Variants in NCAPD3 observed in about 807,000 individuals in gnomAD.
NCAPD3 encodes condensin-2 complex subunit D3.
NCAPD3 carries 105 observed loss-of-function variants against 182.9 expected under a neutral mutation model. The observed-to-expected ratio is 0.57, with a 90% confidence interval of 0.49 to 0.68. NCAPD3 has a LOEUF of 0.68. Among genes scored for constraint, NCAPD3 ranks in the 30% least tolerant of loss-of-function variants. The pLI is 0.00. For synonymous variants in NCAPD3, 815 were observed against 679.9 expected (o/e 1.20, Z -3.09); for missense variants, 1,944 against 1,837.0 (o/e 1.06, Z -1.07).
rs1341667319 is a variant in NCAPD3, at chr11:134,161,910, A to G, written c.3574-19T>C. On this transcript the variant is annotated intron_variant, in intron 27 of 34. Transcript: ENST00000534548. ...TCTGAACCTGGTAACACAAACAAAGACATGTTTTAGATGTATGAACTTCTG... is the reference window on the plus strand; with the variant it reads ...TCTGAACCTGGTAACACAAACAAAGGCATGTTTTAGATGTATGAACTTCTG... 1 of 1,354,944 alleles carries G rather than the reference A, an allele frequency of 7.4e-7. No homozygotes were observed. Among genetic ancestry groups the G allele is most frequent in the Non-Finnish European group, 1.0e-6 (1 of 971,538 alleles). The allele number at this position is 1,354,944 out of a possible 1,614,324, so 83.9% of individuals were successfully genotyped here. A position where few individuals can be genotyped will look rare whatever the true frequency, so the allele number is the denominator to read the frequency against.
rs748681370 is a variant in NCAPD3, at chr11:134,168,902, A to C, written c.3239+15T>G. On this transcript the variant is annotated intron_variant, in intron 25 of 34. Transcript: ENST00000534548. ...ACCCAGATACAAGGAGACCAGACTT[A>C]GCTGCTTCACTGACCTCTCTGACTG... 1 of 1,609,356 alleles carries C rather than the reference A, an allele frequency of 6.2e-7. No homozygotes were observed. The highest frequency in any genetic ancestry group is 1.7e-5 in the Admixed American group (1 of 59,740).
chr11:134,223,445 C>T, intron 1 of NCAPD3: 2 of 702,488 alleles, frequency 2.8e-6, no homozygotes, highest in East Asian at 5.4e-5. Context: ...ACTCATGTGA[C>T]GTTTGATGAT....
chr11:134,205,764 A>G (rs1190123443), intron 8 of NCAPD3, among the ~76,000 whole-genome samples: 1 of 152,238 alleles, frequency 6.6e-6, no homozygotes, highest in Non-Finnish European at 1.5e-5. Context: ...TGCGACTGGC[A>G]TATGAGAAAC....
chr11:134,179,351 T>C (rs1174452880), intron 20 of NCAPD3, among the ~76,000 whole-genome samples: 1 of 152,232 alleles, frequency 6.6e-6, no homozygotes, highest in African/African-American at 2.4e-5. Flanking sequence ...ACTTTTCTTA[T>C]ACACTTACCA....
intron 7 of NCAPD3, 101 bp from the exon 8 acceptor site, chr11:134,206,833 G>T: frequency 7.8e-7 from 1 of 1,283,190 alleles, no homozygotes; most frequent in African/African-American, 1.5e-5. Context: ...GCCATCTGAA[G>T]GTAGGTCAGG....
intron 27 of NCAPD3, among the ~76,000 whole-genome samples, chr11:134,165,033 T>C (rs1031453555): frequency 2.0e-5 from 3 of 146,478 alleles, no homozygotes; most frequent in African/African-American, 7.7e-5. Context: ...GAGATGAGCT[T>C]AGAGGAGCTG....
chr11:134,188,507 A>G lies in NCAPD3; in HGVS notation c.2046-2981T>C, dbSNP rs184507643. Among the ~76,000 whole-genome samples the G allele has an allele frequency of 4.2e-3, 637 of 152,338 alleles. 4 individuals are homozygous for G. Among genetic ancestry groups the G allele is most frequent in the African/African-American group, 0.015 (610 of 41,582 alleles). ...TTACTGCTGCTCACTCTTTGGGTCC[A>G]CACTGCCTTTATGAACTGTAACACC... On this transcript the variant is annotated intron_variant, in intron 16 of 34. Coordinates refer to ENST00000534548, the MANE Select transcript of NCAPD3 (RefSeq NM_015261.3).
Position 134,184,706 on chromosome 11 carries a change from C to T in NCAPD3, c.2382G>A (p.Val794=). ...KLNGFQWSLE[V]ISSAVDALQR... is the part of the protein sequence containing the mutation. ...GCAAGGCGTCAACAGCTGAACTGATCACCTCTAGAGACCACTGAAATCCAT... is the reference window on the plus strand; with the variant it reads ...GCAAGGCGTCAACAGCTGAACTGATTACCTCTAGAGACCACTGAAATCCAT... Residue 794 remains valine (V), a synonymous_variant, in exon 19 of 35, where the codon GTG becomes GTA. Coordinates refer to ENST00000534548, the MANE Select transcript of NCAPD3 (RefSeq NM_015261.3). The T allele has an allele frequency of 1.2e-6, 2 of 1,614,004 alleles. No homozygotes were observed. The highest frequency in any genetic ancestry group is 1.1e-5 in the South Asian group (1 of 91,060).
chr11:134,207,539 A>G (rs1937649349), intron 7 of NCAPD3, among the ~76,000 whole-genome samples: 1 of 152,120 alleles, frequency 6.6e-6, no homozygotes, highest in Non-Finnish European at 1.5e-5. Context: ...CGAGGTCAAG[A>G]GATCAAGACC....
chr11:134,223,689 G>C (rs575254943), intron 1 of NCAPD3, among the ~76,000 whole-genome samples, 174 bp downstream of exon 1: 2 of 152,310 alleles, frequency 1.3e-5, no homozygotes, highest in South Asian at 4.1e-4. Flanking sequence ...GCCCCCACGG[G>C]AAACCTGGCT....
chr11:134,161,612 G>C (rs1473353531), intron 28 of NCAPD3, among the ~76,000 whole-genome samples, 169 bp downstream of exon 28: 1 of 152,214 alleles, frequency 6.6e-6, no homozygotes, highest in Non-Finnish European at 1.5e-5. Flanking sequence ...GGCTTTGGTG[G>C]AACCCACAGC....
In NCAPD3 at chr11:134,209,290, A is replaced by C. The variant is rs74876707; in HGVS notation, c.732+23T>G. 2,339 of 1,609,618 alleles carry C rather than the reference A, an allele frequency of 1.5e-3. 32 individuals carry two copies. In the African/African-American group the frequency reaches 0.028, roughly 20 times the overall value. Reference sequence around the variant, plus strand: ...AGTCTAATCCTTTGAAGTTGCCCTAAGGTTCCTGGAATTTTCACTTACCTC... The same window carrying C: ...AGTCTAATCCTTTGAAGTTGCCCTACGGTTCCTGGAATTTTCACTTACCTC... On this transcript the variant is annotated intron_variant, in intron 5 of 34. Transcript: ENST00000534548.
chr11:134,204,240 T>C lies in NCAPD3; in HGVS notation c.1090-69A>G. ...AGGATGGCTGAAACATATTCTGTAA[T>C]ATAAGTTGAAAGTCAGTGAGTACAA... On this transcript the variant is annotated intron_variant, in intron 9 of 34. Coordinates refer to ENST00000534548, the MANE Select transcript of NCAPD3 (RefSeq NM_015261.3). The surrounding 1 kb of genome is among the most constrained non-coding windows in gnomAD (Gnocchi z 4.3). 3 of 1,555,424 alleles carry C rather than the reference T, an allele frequency of 1.9e-6. No homozygotes were observed. Among genetic ancestry groups the C allele is most frequent in the East Asian group, 2.3e-5 (1 of 44,332 alleles).
rs145375478 is a variant in NCAPD3, at chr11:134,161,651, G to A, written c.3684+130C>T. The A allele has an allele frequency of 1.8e-4, 121 of 671,972 alleles. 1 individual carries two copies. In the Middle Eastern group the frequency reaches 2.9e-3, roughly 16 times the overall value. The allele number at this position is 671,972 out of a possible 1,614,324, so 41.6% of individuals were successfully genotyped here. ...CCCCTAGCTCCACAGCAGTTACCAA[G>A]GTAATGTTGGGTTTGCAGAATTTGG... On this transcript the variant is annotated intron_variant, in intron 28 of 34. Transcript: ENST00000534548.
intron 25 of NCAPD3, 69 bp from the exon 26 acceptor site, chr11:134,168,671 T>C (rs1268373249): frequency 6.9e-6 from 11 of 1,590,008 alleles, no homozygotes; most frequent in Middle Eastern, 1.7e-4. Flanking sequence ...CACTGCACTT[T>C]AACTGCATCC....
chr11:134,213,961 A>G (rs927591564), intron 3 of NCAPD3, among the ~76,000 whole-genome samples: 1 of 152,170 alleles, frequency 6.6e-6, no homozygotes, highest in Non-Finnish European at 1.5e-5. Flanking sequence ...AGATAAACTG[A>G]TAATTATTCT....
In NCAPD3 at chr11:134,155,171, C is replaced by T. The variant is rs139542811; in HGVS notation, c.4253-1808G>A. Among the ~76,000 whole-genome samples, 673 of 152,264 alleles carry T rather than the reference C, an allele frequency of 4.4e-3. 4 individuals carry two copies. Among genetic ancestry groups the T allele is most frequent in the African/African-American group, 0.015 (642 of 41,546 alleles). ...CCCACAGATTTTCAGTTAAAATCCT[C>T]GCTCTGAAAATTGACTAATTTTCAT... On this transcript the variant is annotated intron_variant, in intron 32 of 34. Transcript: ENST00000534548.
At chr11:134,157,246 C>G (rs1943448114) in intron 31 of NCAPD3, 151 bp from the exon 32 acceptor site, 9 of 562,220 alleles carry the variant, frequency 1.6e-5, no homozygotes, top group Non-Finnish European at 6.2e-6. Context: ...GGAAGAAATA[C>G]AAATAAATGA....
chr11:134,218,414 C>A (rs1003735924), intron 2 of NCAPD3, among the ~76,000 whole-genome samples: 1 of 152,114 alleles, frequency 6.6e-6, no homozygotes, highest in Admixed American at 6.5e-5. Context: ...GTGCTTCAAC[C>A]CATACCTCAA....
Sources: gnomAD v4.1 joint callset for allele counts (sites outside exome capture counted in the v4.1 genomes callset) on GRCh38, gnomAD v4.1.1 for gene constraint, Gnocchi (gnomAD v3.1) non-coding constraint, MANE v1.5 for transcripts, NCBI Gene and HGNC (gene_info 2026-07-23, HGNC 2026-07-21) for gene names.